The following LEMD3 variants were observed in gnomAD, a reference collection of about 807,000 sequenced individuals.
The protein encoded by LEMD3 is inner nuclear membrane protein Man1.
Under a neutral mutation model 95.2 loss-of-function variants are expected in LEMD3, and 33 were observed. That is an observed-to-expected ratio of 0.35 (90% CI 0.26 to 0.46). The LOEUF is 0.46. LEMD3 is among the 20% of genes least tolerant of loss of function. The probability of loss-of-function intolerance (pLI) is 1.00; values close to 1 mark genes in which losing one functional copy is unlikely to be tolerated. For missense variants in LEMD3, 1,210 were observed against 1,192.8 expected (o/e 1.01, Z -0.21); for synonymous variants, 525 against 474.6 (o/e 1.11, Z -1.38).
chr12:65,220,964 T>G (rs1870267367), intron 4 of LEMD3, among the ~76,000 whole-genome samples: 1 of 152,222 alleles, frequency 6.6e-6, no homozygotes, highest in African/African-American at 2.4e-5. Flanking sequence ...CTGTTTTGAT[T>G]ACTATAGTTT....
chr12:65,200,742 T>G (rs1869573953), intron 1 of LEMD3, among the ~76,000 whole-genome samples: 1 of 152,190 alleles, frequency 6.6e-6, no homozygotes, highest in African/African-American at 2.4e-5. Context: ...TGCAAATATT[T>G]CCTGACAGTC....
intron 1 of LEMD3, among the ~76,000 whole-genome samples, chr12:65,201,740 T>C (rs1869606174): frequency 1.3e-5 from 2 of 152,176 alleles, no homozygotes; most frequent in South Asian, 2.1e-4. Context: ...CAAAGTTTTA[T>C]TTCTTCTTTC....
In LEMD3 at chr12:65,248,182, G is replaced by A. The variant is rs1871171561; in HGVS notation, c.*1857G>A. The A allele has an allele frequency of 6.6e-6, 1 of 152,346 alleles. No homozygotes were observed. Among genetic ancestry groups the A allele is most frequent in the Non-Finnish European group, 1.5e-5 (1 of 67,968 alleles). The allele number at this position is 152,346 out of a possible 1,614,324, so 9.4% of individuals were successfully genotyped here. A position where few individuals can be genotyped will look rare whatever the true frequency, so the allele number is the denominator to read the frequency against. ...TATGCAGCTTATTTTACCTGAAACT[G>A]TTAAGCCGACCAAGATCCCTCCCTG... is the stretch of plus-strand genomic sequence containing the variant. On this transcript the variant is annotated 3_prime_UTR_variant, in exon 13 of 13. Coordinates refer to ENST00000308330, the MANE Select transcript of LEMD3 (RefSeq NM_014319.5).
chr12:65,195,574 C>T lies in LEMD3; in HGVS notation c.1523-15352C>T, dbSNP rs147371306. Among the ~76,000 whole-genome samples the T allele has an allele frequency of 3.6e-3, 541 of 152,158 alleles. 2 individuals are homozygous for T. The highest frequency in any genetic ancestry group is 5.7e-3 in the Non-Finnish European group (389 of 68,006). ...AATTTGCATGTCTAAAGGGATTGCT[C>T]TTAGGTTAGACTAGGTAGAGCATTT... is the stretch of plus-strand genomic sequence containing the variant. On this transcript the variant is annotated intron_variant, in intron 1 of 12. Transcript: ENST00000308330.
intron 1 of LEMD3, among the ~76,000 whole-genome samples, chr12:65,180,416 A>G (rs1592430859): frequency 6.7e-6 from 1 of 150,224 alleles, no homozygotes; most frequent in East Asian, 1.9e-4. Context: ...TTTAAACAAG[A>G]GTTTACCAGG....
At chr12:65,243,990 T>C (rs1393439496) in intron 10 of LEMD3, among the ~76,000 whole-genome samples, 1 of 152,198 alleles carries the variant, frequency 6.6e-6, no homozygotes, top group African/African-American at 2.4e-5. Context: ...TTCCAGAGAA[T>C]AGCACAGTCA....
chr12:65,226,748 T>C (rs568482403), intron 4 of LEMD3, among the ~76,000 whole-genome samples: 4 of 152,316 alleles, frequency 2.6e-5, no homozygotes, highest in Admixed American at 1.3e-4. Context: ...TGAACATGTT[T>C]CTCTGTGAAT....
chr12:65,221,741 T>G (rs1361202036), intron 4 of LEMD3, among the ~76,000 whole-genome samples: 1 of 149,910 alleles, frequency 6.7e-6, no homozygotes, highest in Non-Finnish European at 1.5e-5. Flanking sequence ...TCTCTCTTTT[T>G]TTTTTTTTTT....
At chr12:65,234,965 T>C (rs1021347645) in intron 4 of LEMD3, among the ~76,000 whole-genome samples, 2 of 152,198 alleles carry the variant, frequency 1.3e-5, no homozygotes, top group Non-Finnish European at 2.9e-5. Context: ...AAAGACTAGA[T>C]TATACTTGTC....
chr12:65,184,543 T>C (rs536743576), intron 1 of LEMD3, among the ~76,000 whole-genome samples: 2 of 152,306 alleles, frequency 1.3e-5, no homozygotes, highest in South Asian at 4.1e-4. Flanking sequence ...TTAATTTCTG[T>C]TTTCCAACTT....
Position 65,170,610 on chromosome 12 carries a change from G to C in LEMD3, c.1014G>C (p.Ala338=). The change falls in exon 1 of 13, where the codon GCG becomes GCC. Residue 338 remains alanine (A), a synonymous_variant. Coordinates refer to ENST00000308330, the MANE Select transcript of LEMD3 (RefSeq NM_014319.5). ...LDRSRNLEEA[A]AAEQGGGCDQ... is the part of the protein sequence containing the mutation. Reference sequence around the variant, plus strand: ...GGAGCCGAAACCTCGAAGAGGCGGCGGCCGCGGAGCAGGGAGGAGGGTGTG... The same window carrying C: ...GGAGCCGAAACCTCGAAGAGGCGGCCGCCGCGGAGCAGGGAGGAGGGTGTG... 11 of 1,614,018 alleles carry C rather than the reference G, an allele frequency of 6.8e-6. No homozygotes were observed. The highest frequency in any genetic ancestry group is 9.3e-6 in the Non-Finnish European group (11 of 1,179,964).
intron 4 of LEMD3, among the ~76,000 whole-genome samples, chr12:65,228,232 C>T (rs932413396): frequency 5.3e-5 from 8 of 151,836 alleles, no homozygotes; most frequent in African/African-American, 1.9e-4. Context: ...AGCCAGGCAG[C>T]AATAGAGTAT....
intron 1 of LEMD3, among the ~76,000 whole-genome samples, chr12:65,202,615 C>T (rs1351516661): frequency 6.6e-6 from 1 of 152,078 alleles, no homozygotes; most frequent in Non-Finnish European, 1.5e-5. Context: ...ACTTCTCTCT[C>T]CTGAAAGATA....
At chr12:65,174,612 CCTTT>C (rs1403087814) in intron 1 of LEMD3, among the ~76,000 whole-genome samples, 5 of 152,000 alleles carry the variant, frequency 3.3e-5, no homozygotes, top group Non-Finnish European at 7.4e-5. Context: ...TCCTTTCTGA[CCTTT>C]CTTAGTATTT....
Position 65,246,309 on chromosome 12 carries a change from C to A in LEMD3, c.2720C>A (p.Ser907Tyr). 2 of 1,612,934 alleles carry A rather than the reference C, an allele frequency of 1.2e-6. No individual in the cohort carries two copies. Among genetic ancestry groups the A allele is most frequent in the South Asian group, 2.2e-5 (2 of 91,068 alleles). Reference protein sequence around the residue: ...HLRLRTGLTNSQGSS With the variant: ...HLRLRTGLTNYQGSS ...CGTCTTCGGACTGGCCTAACCAATT[C>A]TCAAGGAAGTTCCTGAAAAGATTTT... Residue 907 changes from serine to tyrosine, a missense_variant, in exon 13 of 13, where the codon TCT (serine) becomes TAT (tyrosine). Physicochemically the swap from Ser to Tyr is moderately radical, Grantham distance 144. This residue lies in a region of LEMD3 where 461 missense variants were observed against 569.8 expected (regional missense o/e 0.81). Transcript: ENST00000308330.
chr12:65,207,084 T>C (rs1271461532), intron 1 of LEMD3, among the ~76,000 whole-genome samples: 2 of 152,172 alleles, frequency 1.3e-5, no homozygotes, highest in African/African-American at 4.8e-5. Flanking sequence ...AATACCACTC[T>C]AAACGGTAGT....
intron 4 of LEMD3, among the ~76,000 whole-genome samples, chr12:65,226,721 A>G (rs1294531652): frequency 1.3e-5 from 2 of 152,224 alleles, no homozygotes; most frequent in African/African-American, 2.4e-5. Context: ...ACATTTTGGT[A>G]AAGTCTCTAA....
rs566523258 is a variant in LEMD3, at chr12:65,217,829, A to AT, written c.1628-716dup. 3.3e-3 allele frequency among the ~76,000 whole-genome samples: 506 copies of AT among 152,158 alleles called. 1 individual carries two copies. Among genetic ancestry groups the AT allele is most frequent in the African/African-American group, 0.012 (488 of 41,514 alleles). On this transcript the variant is annotated intron_variant, in intron 3 of 12. Transcript: ENST00000308330. Reference sequence around the variant, plus strand: ...GTTATAACAATTTTTGTTTTTTAAGATTTTTTTGAGACAGGATCTTTTCTG... The same window carrying AT: ...GTTATAACAATTTTTGTTTTTTAAGATTTTTTTTGAGACAGGATCTTTTCTG...
intron 4 of LEMD3, among the ~76,000 whole-genome samples, 192 bp downstream of exon 4, chr12:65,218,811 C>G (rs1345095724): frequency 1.6e-5 from 2 of 121,808 alleles, no homozygotes; most frequent in African/African-American, 6.5e-5. Context: ...TTTTGTGAGA[C>G]ACAGTTTCGC....
Sources: allele counts gnomAD v4.1 joint callset (sites outside exome capture counted in the v4.1 genomes callset), GRCh38; gene constraint gnomAD v4.1.1; regional missense constraint gnomAD v4.1.1; transcripts MANE v1.5; gene names NCBI Gene and HGNC (gene_info 2026-07-23, HGNC 2026-07-21).